PDE4D: variants seen among roughly 807,000 people sequenced by gnomAD.
The protein encoded by PDE4D is 3',5'-cyclic-AMP phosphodiesterase 4D.
In PDE4D, 24 loss-of-function variants were observed where a neutral mutation model predicts 87.4. The ratio of observed to expected loss-of-function variants is 0.27; its 90% confidence interval spans 0.20 to 0.39. The LOEUF is 0.39. PDE4D is among the 10% of genes least tolerant of loss of function. The probability of loss-of-function intolerance (pLI) is 1.00; values close to 1 mark genes in which losing one functional copy is unlikely to be tolerated. For missense variants in PDE4D, 714 were observed against 1,041.0 expected, an observed-to-expected ratio of 0.69 and a Z score of 4.32; for synonymous variants, 384 against 383.2, an observed-to-expected ratio of 1.00 and a Z score of -0.02.
chr5:59,768,546 G>A, intron 1 of PDE4D: 2 of 1,593,010 alleles, frequency 1.3e-6, no homozygotes, highest in Non-Finnish European at 8.5e-7. Flanking sequence ...CAAGAATCCA[G>A]GGCAACGTGG....
At chr5:60,257,476 C>T (rs2149696521) in intron 1 of PDE4D, among the ~76,000 whole-genome samples, 1 of 152,036 alleles carries the variant, frequency 6.6e-6, no homozygotes, top group South Asian at 2.1e-4. Context: ...AAACTATCTG[C>T]ATGCTTTGAT....
chr5:60,162,088 G>A lies in PDE4D; in HGVS notation c.42+23469C>T, dbSNP rs952862721. 5.3e-5 allele frequency among the ~76,000 whole-genome samples: 8 copies of A among 152,018 alleles called. 1 individual carries two copies. Among genetic ancestry groups the A allele is most frequent in the African/African-American group, 2.4e-5 (1 of 41,398 alleles). ...TGATATTATGCCCTTTAATAAGCTCGAGGGAAAACAGTGGGGGTGGGGGCC... is the reference window on the plus strand; with the variant it reads ...TGATATTATGCCCTTTAATAAGCTCAAGGGAAAACAGTGGGGGTGGGGGCC... On this transcript the variant is annotated intron_variant, in intron 2 of 16. Coordinates refer to the PDE4D transcript ENST00000502484.
At chr5:59,760,228 T>C (rs1004625823) in intron 1 of PDE4D, among the ~76,000 whole-genome samples, 1 of 152,124 alleles carries the variant, frequency 6.6e-6, no homozygotes, top group African/African-American at 2.4e-5. Flanking sequence ...CTAATGCCAA[T>C]GCCTGATAAA....
intron 1 of PDE4D, among the ~76,000 whole-genome samples, chr5:60,203,559 C>T (rs755916322): frequency 6.6e-6 from 1 of 152,088 alleles, no homozygotes; most frequent in Admixed American, 6.5e-5. Flanking sequence ...AATTTCTGTG[C>T]CTAATGTAAT....
At chr5:59,841,063 G>C (rs1182112890) in intron 1 of PDE4D, among the ~76,000 whole-genome samples, 1 of 152,034 alleles carries the variant, frequency 6.6e-6, no homozygotes, top group Non-Finnish European at 1.5e-5. Context: ...TTTCAACATA[G>C]AGTGTGGGAA....
intron 1 of PDE4D, among the ~76,000 whole-genome samples, chr5:60,468,722 T>C (rs1432477804): frequency 6.6e-6 from 1 of 151,946 alleles, no homozygotes; most frequent in Non-Finnish European, 1.5e-5. Flanking sequence ...ATGGGGATCT[T>C]ACTATGTTGC....
intron 1 of PDE4D, among the ~76,000 whole-genome samples, chr5:59,727,890 G>A (rs1756833218): frequency 6.6e-6 from 1 of 152,000 alleles, no homozygotes; most frequent in African/African-American, 2.4e-5. Flanking sequence ...ATTATTGGAA[G>A]GAAGAGAAAT....
At chr5:59,701,834 T>C (rs1752619021) in intron 1 of PDE4D, among the ~76,000 whole-genome samples, 1 of 152,162 alleles carries the variant, frequency 6.6e-6, no homozygotes, top group Non-Finnish European at 1.5e-5. Context: ...GAAAAACAGC[T>C]CAATTCCTCT....
intron 1 of PDE4D, among the ~76,000 whole-genome samples, chr5:59,770,940 T>G (rs1216849093): frequency 6.6e-6 from 1 of 151,992 alleles, no homozygotes. Context: ...AAGACTAGCC[T>G]GGGTAACATA....
intron 3 of PDE4D, among the ~76,000 whole-genome samples, chr5:59,904,785 C>CT (rs1283085275): frequency 6.6e-6 from 1 of 152,106 alleles, no homozygotes; most frequent in African/African-American, 2.4e-5. Context: ...CAATTATTCA[C>CT]TTTTTTGTGA....
At chr5:60,145,162 A>T (rs1207627799) in intron 2 of PDE4D, among the ~76,000 whole-genome samples, 9 of 152,202 alleles carry the variant, frequency 5.9e-5, no homozygotes, top group Admixed American at 5.9e-4. Context: ...AGCTTGATTT[A>T]TGCAAGTCCC....
intron 5 of PDE4D, among the ~76,000 whole-genome samples, chr5:59,049,873 ATC>A (rs1761270226): frequency 6.6e-6 from 1 of 152,118 alleles, no homozygotes. Flanking sequence ...TTTCTCATAA[ATC>A]TCTGTTTAGC....
chr5:60,244,379 G>A (rs1238326128), intron 1 of PDE4D, among the ~76,000 whole-genome samples: 1 of 151,860 alleles, frequency 6.6e-6, no homozygotes, highest in Non-Finnish European at 1.5e-5. Flanking sequence ...ACTATCCAAA[G>A]CAATCTACAG....
chr5:60,503,011 T>C (rs999273218), intron 1 of PDE4D, among the ~76,000 whole-genome samples: 1 of 152,118 alleles, frequency 6.6e-6, no homozygotes, highest in Non-Finnish European at 1.5e-5. Context: ...TCACTTATGC[T>C]CTCAGCAGCA....
intron 1 of PDE4D, among the ~76,000 whole-genome samples, chr5:59,789,755 T>G (rs2152643892): frequency 6.6e-6 from 1 of 152,366 alleles, no homozygotes; most frequent in South Asian, 2.1e-4. Flanking sequence ...CATCTTTACT[T>G]GCTCCTTCAG....
chr5:60,173,106 A>C (rs190479531), intron 2 of PDE4D, among the ~76,000 whole-genome samples: 4 of 152,230 alleles, frequency 2.6e-5, no homozygotes, highest in African/African-American at 9.6e-5. Flanking sequence ...GTTTCTCTCC[A>C]GTAGGCACAT....
At chr5:59,122,372 A>G (rs767834979) in intron 5 of PDE4D, among the ~76,000 whole-genome samples, 51 of 152,136 alleles carry the variant, frequency 3.4e-4, no homozygotes, top group Non-Finnish European at 1.3e-4. Flanking sequence ...ATGAAGGTAG[A>G]CCGATAGATA....
intron 1 of PDE4D, among the ~76,000 whole-genome samples, chr5:59,256,591 T>A (rs1255918789): frequency 2.0e-5 from 3 of 152,086 alleles, no homozygotes; most frequent in Non-Finnish European, 4.4e-5. Context: ...GTAAACCTGG[T>A]AAAATTTAAT....
At chr5:59,048,225 A>G (rs1038759595) in intron 5 of PDE4D, among the ~76,000 whole-genome samples, 2 of 152,178 alleles carry the variant, frequency 1.3e-5, no homozygotes, top group African/African-American at 4.8e-5. Context: ...ATTTTTGCAA[A>G]CAGGTTTAAA....
Sources: allele counts gnomAD v4.1 joint callset (sites outside exome capture counted in the v4.1 genomes callset), GRCh38; gene constraint gnomAD v4.1.1; transcripts MANE v1.5; gene names NCBI Gene and HGNC (gene_info 2026-07-23, HGNC 2026-07-21).